The following SCTR variants were observed in gnomAD, a reference collection of about 807,000 sequenced individuals.
SCTR encodes the protein pancreatic secretin receptor.
A neutral mutation model predicts 60.8 loss-of-function variants in SCTR; 56 were observed. The ratio of observed to expected loss-of-function variants is 0.92; its 90% CI spans 0.74 to 1.15. The LOEUF (loss-of-function observed/expected upper bound fraction) is 1.15. Among genes scored for constraint, SCTR ranks in the 50% most tolerant of loss-of-function variants. The pLI is 0.00. For synonymous variants in SCTR, 202 were observed against 217.0 expected, an observed-to-expected ratio of 0.93 and a Z score of 0.61; for missense variants, 562 against 550.4, an observed-to-expected ratio of 1.02 and a Z score of -0.21.
rs73948698 is a variant in SCTR at position 119,441,485 on chromosome 2, G to C, written c.1182+73C>G. ...ATCCCCCTTCCTACCACCCCTCCCA[G>C]GTAGCTCCTTCTGACCCGGAAACCA... On this transcript the variant is annotated intron_variant, in intron 12 of 12. Coordinates refer to ENST00000019103, the MANE Select transcript of SCTR (RefSeq NM_002980.3). 2.3e-3 allele frequency: 2,772 copies of C among 1,229,288 alleles called. 40 individuals are homozygous for C. In the African/African-American group the frequency reaches 0.035, roughly 16 times the overall value. 76.1% of individuals were successfully genotyped at this position (1,229,288 alleles called of 1,614,324 possible). A position where few individuals can be genotyped will look rare whatever the true frequency, so the allele number is the denominator to read the frequency against.
chr2:119,448,853 T>G, intron 9 of SCTR, 73 bp from the exon 10 acceptor site: 1 of 806,618 alleles, frequency 1.2e-6, no homozygotes, highest in Non-Finnish European at 2.1e-6. Flanking sequence ...CCCTGTCCCC[T>G]GGACCTGAGG....
In SCTR at chr2:119,487,648, G is replaced by C. The variant is rs116123458; in HGVS notation, c.193+6780C>G. On this transcript the variant is annotated intron_variant, in intron 2 of 12. Coordinates refer to ENST00000019103, the MANE Select transcript of SCTR (RefSeq NM_002980.3). ...GGGGGTATTGGCCTCTGTAAACAAA[G>C]TAATAAATAGCCCTGTGGGGCAGGC... Among the ~76,000 whole-genome samples, 789 of 152,330 alleles carry C rather than the reference G, an allele frequency of 5.2e-3. 8 individuals are homozygous for C. The highest frequency in any genetic ancestry group is 0.018 in the African/African-American group (733 of 41,564).
At chr2:119,505,719 G>C (rs959926005) in intron 1 of SCTR, among the ~76,000 whole-genome samples, 18 of 150,090 alleles carry the variant, frequency 1.2e-4, no homozygotes, top group African/African-American at 4.2e-4. Flanking sequence ...GGTGGCGGGA[G>C]GGGGGAGGGA....
chr2:119,523,385 C>T (rs1490673577), intron 1 of SCTR, among the ~76,000 whole-genome samples: 2 of 146,222 alleles, frequency 1.4e-5, no homozygotes, highest in African/African-American at 2.5e-5. Context: ...AACCACCCAT[C>T]CTGCCGCTAT....
At chr2:119,512,663 C>T (rs552225065) in intron 1 of SCTR, among the ~76,000 whole-genome samples, 1 of 152,294 alleles carries the variant, frequency 6.6e-6, no homozygotes, top group East Asian at 1.9e-4. Flanking sequence ...TCCCAAAATG[C>T]TGGGATTACA....
At chr2:119,448,662 A>G in intron 10 of SCTR, 27 bp downstream of exon 10, 2 of 1,252,172 alleles carry the variant, frequency 1.6e-6, no homozygotes, top group Non-Finnish European at 1.2e-6. Context: ...CTGACTGACC[A>G]TGCCTCAGTC....
At chr2:119,488,599 T>A (rs1289501629) in intron 2 of SCTR, among the ~76,000 whole-genome samples, 1 of 152,128 alleles carries the variant, frequency 6.6e-6, no homozygotes, top group African/African-American at 2.4e-5. Flanking sequence ...CGGAGTAATG[T>A]GAATGTGCAC....
chr2:119,441,609 G>T lies in SCTR; in HGVS notation c.1141-10C>A, dbSNP rs199841489. 1,372 of 1,612,634 alleles carry T rather than the reference G, an allele frequency of 8.5e-4. 3 individuals carry two copies. The highest frequency in any genetic ancestry group is 1.3e-3 in the South Asian group (120 of 90,568). ...CGGCCACCACCAGTCCCTGCCAGAA[G>T]AAGAGAGGTAGCAGGGTTAGCACAG... On this transcript the variant is annotated splice_polypyrimidine_tract_variant and intron_variant, in intron 11 of 12. Transcript: ENST00000019103.
intron 1 of SCTR, among the ~76,000 whole-genome samples, chr2:119,506,862 A>G (rs2579603): frequency 0.55 from 83,014 of 151,950 alleles, 23,018 homozygotes; most frequent in East Asian, 0.86. Flanking sequence ...AGAATGGGAG[A>G]AAAGTGGAAA....
At chr2:119,472,144 T>G (rs1387009204) in intron 4 of SCTR, among the ~76,000 whole-genome samples, 1 of 152,144 alleles carries the variant, frequency 6.6e-6, no homozygotes, top group Non-Finnish European at 1.5e-5. Flanking sequence ...TGAATGCCTT[T>G]GAGGAGCATG....
intron 1 of SCTR, among the ~76,000 whole-genome samples, chr2:119,496,053 C>A (rs902364421): frequency 6.6e-6 from 1 of 152,212 alleles, no homozygotes; most frequent in Non-Finnish European, 1.5e-5. Flanking sequence ...AGCTCACGCA[C>A]TCCTGCTCTT....
intron 1 of SCTR, among the ~76,000 whole-genome samples, chr2:119,509,523 C>A (rs1678864591): frequency 6.6e-6 from 1 of 152,300 alleles, no homozygotes; most frequent in African/African-American, 2.4e-5. Flanking sequence ...GATAACATAT[C>A]TATGATGGGA....
intron 2 of SCTR, among the ~76,000 whole-genome samples, chr2:119,484,288 C>A (rs1019136454): frequency 6.6e-6 from 1 of 152,170 alleles, no homozygotes; most frequent in Non-Finnish European, 1.5e-5. Context: ...GGGCTTCCCA[C>A]GCCTCTGTCG....
At chr2:119,473,390 AG>A in intron 4 of SCTR, 62 bp downstream of exon 4, 1 of 1,178,478 alleles carries the variant, frequency 8.5e-7, no homozygotes, top group Non-Finnish European at 1.3e-6. Context: ...CTCCTCTCCC[AG>A]GGCCTCCTCA....
At position 119,465,702 on chromosome 2, in the gene SCTR, C is replaced by A. The variant is rs865985179; in HGVS notation, c.503+87G>T. The A allele has an allele frequency of 6.5e-5, 58 of 891,966 alleles. No homozygotes were observed. The South Asian group carries it at 7.9e-4, about 12-fold the overall frequency. 55.3% of individuals were successfully genotyped at this position (891,966 alleles called of 1,614,324 possible). On this transcript the variant is annotated intron_variant, in intron 5 of 12. Transcript: ENST00000019103. Reference sequence around the variant, plus strand: ...GACAAGGTAGTTCACTCAGACCTTCCTCTTTCTGTCCTGGGTGGTTGAGAA... The same window carrying A: ...GACAAGGTAGTTCACTCAGACCTTCATCTTTCTGTCCTGGGTGGTTGAGAA...
At position 119,461,647 on chromosome 2, in the gene SCTR, G is replaced by T. The variant is rs1683606482; in HGVS notation, c.790+200C>A. Among the ~76,000 whole-genome samples the T allele has an allele frequency of 4.7e-5, 7 of 148,252 alleles. No homozygotes were observed. The Admixed American group carries it at 4.8e-4, about 10-fold the overall frequency. Reference sequence around the variant, plus strand: ...AATCACTTGAACCTGGGAGATGAAGGTTGCAGTGAGCCAAGATCATGCCAT... The same window carrying T: ...AATCACTTGAACCTGGGAGATGAAGTTTGCAGTGAGCCAAGATCATGCCAT... On this transcript the variant is annotated intron_variant, in intron 7 of 12. Coordinates refer to ENST00000019103, the MANE Select transcript of SCTR (RefSeq NM_002980.3).
chr2:119,446,974 C>T (rs1682957832), intron 10 of SCTR, 89 bp from the exon 11 acceptor site: 3 of 1,286,416 alleles, frequency 2.3e-6, no homozygotes, highest in African/African-American at 1.5e-5. Context: ...CTCCCCAGCT[C>T]GGGACTGACT....
At chr2:119,477,514 G>A (rs1037542482) in intron 3 of SCTR, among the ~76,000 whole-genome samples, 4 of 152,080 alleles carry the variant, frequency 2.6e-5, no homozygotes, top group Admixed American at 6.6e-5. Flanking sequence ...GCAGTGGCAC[G>A]AGCTCAGCTA....
intron 4 of SCTR, 75 bp downstream of exon 4, chr2:119,473,378 G>T: frequency 9.9e-7 from 1 of 1,009,982 alleles, no homozygotes; most frequent in Non-Finnish European, 1.6e-6. Context: ...CTCTCCCAGG[G>T]CCTCCTCTCC....
Sources: gnomAD v4.1 joint callset for allele counts (sites outside exome capture counted in the v4.1 genomes callset) on GRCh38, gnomAD v4.1.1 for gene constraint, MANE v1.5 for transcripts, NCBI Gene and HGNC (gene_info 2026-07-23, HGNC 2026-07-21) for gene names.